Variants in PKNOX2 observed in about 807,000 individuals in gnomAD.
The protein encoded by PKNOX2 is homeobox protein PKNOX2.
A neutral mutation model predicts 53.1 loss-of-function variants in PKNOX2; 14 were observed. The ratio of observed to expected loss-of-function variants is 0.26; its 90% confidence interval spans 0.17 to 0.41. The LOEUF is 0.41. Ranked by LOEUF, PKNOX2 falls within the 10% of genes least tolerant of loss-of-function variation. The pLI, the probability that PKNOX2 is intolerant of heterozygous loss-of-function variation, is 1.00. For missense variants in PKNOX2, 496 were observed against 602.8 expected (o/e 0.82, Z 1.85); for synonymous variants, 257 against 242.8 (o/e 1.06, Z -0.54).
chr11:125,258,358 G>A (rs576595585), intron 2 of PKNOX2, among the ~76,000 whole-genome samples: 25 of 152,070 alleles, frequency 1.6e-4, no homozygotes, highest in African/African-American at 5.3e-4. Context: ...GTGTAAACAC[G>A]TCATTAGTGA....
chr11:125,333,885 T>G (rs1170041126), intron 3 of PKNOX2, among the ~76,000 whole-genome samples: 1 of 152,142 alleles, frequency 6.6e-6, no homozygotes, highest in Non-Finnish European at 1.5e-5. Context: ...CACATCGGTT[T>G]GGGGAGCATT....
intron 2 of PKNOX2, among the ~76,000 whole-genome samples, chr11:125,256,615 G>C (rs181999999): frequency 6.6e-6 from 1 of 152,148 alleles, no homozygotes; most frequent in African/African-American, 2.4e-5. Flanking sequence ...GGTGGTCAGC[G>C]GTGCCTCCCC....
chr11:125,175,926 G>C (rs947415690), intron 1 of PKNOX2, among the ~76,000 whole-genome samples: 7 of 152,118 alleles, frequency 4.6e-5, no homozygotes, highest in Admixed American at 1.3e-4. Flanking sequence ...GGAGAAAATT[G>C]GTTGGCACAG....
chr11:125,244,228 T>A (rs1319494464), intron 2 of PKNOX2, among the ~76,000 whole-genome samples: 1 of 152,262 alleles, frequency 6.6e-6, no homozygotes, highest in Non-Finnish European at 1.5e-5. Context: ...CTGATCTTCC[T>A]TGGGGTCACA....
chr11:125,263,698 CGG>C (rs996080327), intron 2 of PKNOX2, among the ~76,000 whole-genome samples: 1 of 152,228 alleles, frequency 6.6e-6, no homozygotes, highest in Non-Finnish European at 1.5e-5. Flanking sequence ...GGTCTTCGCA[CGG>C]AGGGCGTGGA....
intron 7 of PKNOX2, among the ~76,000 whole-genome samples, chr11:125,408,694 A>ACAGGCTCTGC (rs1955274947): frequency 6.6e-6 from 1 of 152,178 alleles, no homozygotes; most frequent in Admixed American, 6.5e-5. Context: ...CCACTTCCTG[A>ACAGGCTCTGC]CAGGCTCTGC....
At chr11:125,249,057 A>T (rs888481824) in intron 2 of PKNOX2, among the ~76,000 whole-genome samples, 4 of 109,470 alleles carry the variant, frequency 3.7e-5, no homozygotes, top group African/African-American at 1.4e-4. Context: ...TATTATATAT[A>T]ATATATATAA....
intron 2 of PKNOX2, among the ~76,000 whole-genome samples, chr11:125,320,294 T>C (rs1949447270): frequency 6.6e-6 from 1 of 152,074 alleles, no homozygotes. Flanking sequence ...ACAGCAGAGA[T>C]TCAGGAGGTT....
In PKNOX2 at chr11:125,393,134, T is replaced by C. The variant is rs1370097671; in HGVS notation, c.400-4740T>C. Among the ~76,000 whole-genome samples the C allele has an allele frequency of 7.2e-5, 10 of 138,342 alleles. No homozygotes were observed. In the East Asian group the frequency reaches 2.1e-3, roughly 29 times the overall value. 90.8% of individuals were successfully genotyped at this position (138,342 alleles called of 152,430 possible). On this transcript the variant is annotated intron_variant, in intron 6 of 12. Coordinates refer to ENST00000298282, the MANE Select transcript of PKNOX2 (RefSeq NM_001382323.2). ...GAGATCGCGCCACTGCACTCCAGCC[T>C]GGGCGACAGAGCAAGACTCGTCTCA... is the stretch of plus-strand genomic sequence containing the variant.
intron 2 of PKNOX2, among the ~76,000 whole-genome samples, chr11:125,274,105 G>C (rs1303331502): frequency 1.3e-5 from 2 of 152,164 alleles, no homozygotes; most frequent in Admixed American, 1.3e-4. Flanking sequence ...GCCTAAAGCT[G>C]TGCTAAGTAC....
intron 4 of PKNOX2, among the ~76,000 whole-genome samples, chr11:125,356,172 G>A (rs188671461): frequency 6.5e-4 from 99 of 152,226 alleles, no homozygotes; most frequent in African/African-American, 2.1e-3. Context: ...TTCAGTCTGC[G>A]TGTCCCTGGC....
chr11:125,294,302 GC>G (rs951550358), intron 2 of PKNOX2, among the ~76,000 whole-genome samples: 3 of 152,236 alleles, frequency 2.0e-5, no homozygotes, highest in South Asian at 4.2e-4. Flanking sequence ...CCTGAGGTAA[GC>G]CCCCCCATCT....
chr11:125,404,159 C>T lies in PKNOX2; in HGVS notation c.589-6037C>T, dbSNP rs138863977. Among the ~76,000 whole-genome samples the T allele has an allele frequency of 3.4e-3, 512 of 152,268 alleles. 3 individuals are homozygous for T. The highest frequency in any genetic ancestry group is 0.012 in the African/African-American group (493 of 41,546). On this transcript the variant is annotated intron_variant, in intron 7 of 12. Coordinates refer to ENST00000298282, the MANE Select transcript of PKNOX2 (RefSeq NM_001382323.2). ...CTGGAAAGATCACTACTTAGATGGA[C>T]AGGGGGCATCCCTAGACTGAAGTGG...
At chr11:125,271,926 T>C (rs1286172682) in intron 2 of PKNOX2, among the ~76,000 whole-genome samples, 5 of 152,228 alleles carry the variant, frequency 3.3e-5, no homozygotes, top group African/African-American at 1.2e-4. Context: ...TCGAGTCCCT[T>C]GGCTCTGTTA....
intron 1 of PKNOX2, among the ~76,000 whole-genome samples, chr11:125,192,373 G>A (rs182070201): frequency 7.9e-5 from 12 of 152,294 alleles, no homozygotes; most frequent in Admixed American, 3.3e-4. Flanking sequence ...GGGAAGATAA[G>A]GGCAAATTAA....
intron 10 of PKNOX2, among the ~76,000 whole-genome samples, chr11:125,416,420 C>T (rs1955890135): frequency 6.7e-6 from 1 of 150,090 alleles, no homozygotes; most frequent in African/African-American, 2.5e-5. Flanking sequence ...TTATGTTTGT[C>T]TCATCTGATC....
At chr11:125,357,769 C>A (rs1445942007) in intron 4 of PKNOX2, among the ~76,000 whole-genome samples, 1 of 152,138 alleles carries the variant, frequency 6.6e-6, no homozygotes, top group East Asian at 1.9e-4. Flanking sequence ...TGGAATGACT[C>A]AATCTCGTAG....
At chr11:125,180,002 C>T (rs75047524) in intron 1 of PKNOX2, among the ~76,000 whole-genome samples, 2,100 of 152,282 alleles carry the variant, frequency 0.014, 36 homozygotes, top group African/African-American at 0.048. Flanking sequence ...AATTCATGTC[C>T]TGTCACTGTC....
At chr11:125,276,014 A>G (rs1274428366) in intron 2 of PKNOX2, among the ~76,000 whole-genome samples, 1 of 152,198 alleles carries the variant, frequency 6.6e-6, no homozygotes, top group Non-Finnish European at 1.5e-5. Flanking sequence ...GAGGAGGCTG[A>G]GAAGGAGTGC....
Sources: allele counts gnomAD v4.1 joint callset (sites outside exome capture counted in the v4.1 genomes callset), GRCh38; gene constraint gnomAD v4.1.1; transcripts MANE v1.5; gene names NCBI Gene and HGNC (gene_info 2026-07-23, HGNC 2026-07-21).